Variants in DAP observed in about 807,000 individuals in gnomAD.
DAP encodes the protein death-associated protein 1.
DAP carries 8 observed loss-of-function variants against 13.8 expected under a neutral mutation model. That is an observed-to-expected ratio of 0.58 (90% CI 0.34 to 1.05). The LOEUF (loss-of-function observed/expected upper bound fraction) is 1.05. Ranked by LOEUF, DAP falls within the 50% of genes least tolerant of loss-of-function variation. The pLI is 0.03. For synonymous variants in DAP, 47 were observed against 47.5 expected (o/e 0.99, Z 0.04); for missense variants, 106 against 133.2 (o/e 0.80, Z 1.01).
At chr5:10,747,600 G>A (rs1739938396) in intron 2 of DAP, among the ~76,000 whole-genome samples, 1 of 152,250 alleles carries the variant, frequency 6.6e-6, no homozygotes, top group African/African-American at 2.4e-5. Flanking sequence ...GGGTCTCCAT[G>A]TGATTTCAGT....
chr5:10,708,335 T>C (rs368343552), intron 2 of DAP, among the ~76,000 whole-genome samples: 3 of 151,220 alleles, frequency 2.0e-5, no homozygotes, highest in East Asian at 1.9e-4. Flanking sequence ...CACACACATA[T>C]ACACACACAG....
chr5:10,716,950 ACT>A (rs1280853880), intron 2 of DAP, among the ~76,000 whole-genome samples: 1 of 152,036 alleles, frequency 6.6e-6, no homozygotes, highest in Non-Finnish European at 1.5e-5. Context: ...AATGCTAAGG[ACT>A]CTGCTTCTAA....
In DAP at chr5:10,679,969, T is replaced by C. The variant is rs942625554; in HGVS notation, c.*1087A>G. 6.6e-6 allele frequency: 1 copy of C among 152,416 alleles called. No individual in the cohort carries two copies. Among genetic ancestry groups the C allele is most frequent in the Non-Finnish European group, 1.5e-5 (1 of 68,094 alleles). 9.4% of individuals were successfully genotyped at this position (152,416 alleles called of 1,614,324 possible). A position where few individuals can be genotyped will look rare whatever the true frequency, so the allele number is the denominator to read the frequency against. ...TTTTCGAGGACGCAGGGTACCCTAC[T>C]GCCACCAGCCAGTGAGCAGACTAGG... On this transcript the variant is annotated 3_prime_UTR_variant, in exon 4 of 4. Transcript: ENST00000230895.
intron 1 of DAP, 63 bp downstream of exon 1, chr5:10,760,951 C>T (rs1219328143): frequency 9.3e-7 from 1 of 1,079,858 alleles, no homozygotes; most frequent in Non-Finnish European, 1.2e-6. Context: ...CCCCGCCCGG[C>T]GCCCCCGGGT....
intron 2 of DAP, among the ~76,000 whole-genome samples, chr5:10,729,622 G>A (rs1305149566): frequency 6.6e-6 from 1 of 152,040 alleles, no homozygotes; most frequent in South Asian, 2.1e-4. Flanking sequence ...TTCTTTCTTC[G>A]GTTGTCCCTA....
chr5:10,680,436 G>T lies in DAP; in HGVS notation c.*620C>A. On this transcript the variant is annotated 3_prime_UTR_variant, in exon 4 of 4. Transcript: ENST00000230895. ...CTACCTGTCTCCAGCCTCATTCTTT[G>T]GCATGTTGACTCCTGGAATTGAGGG... The T allele has an allele frequency of 2.3e-6, 1 of 426,000 alleles. No individual in the cohort carries two copies. Among genetic ancestry groups the T allele is most frequent in the South Asian group, 3.2e-5 (1 of 31,588 alleles). 26.4% of individuals were successfully genotyped at this position (426,000 alleles called of 1,614,324 possible).
At chr5:10,713,278 G>T (rs1738897151) in intron 2 of DAP, among the ~76,000 whole-genome samples, 1 of 152,216 alleles carries the variant, frequency 6.6e-6, no homozygotes, top group African/African-American at 2.4e-5. Context: ...GAGACAAGGT[G>T]ACCAGTAAGA....
At chr5:10,744,904 G>A (rs572209448) in intron 2 of DAP, among the ~76,000 whole-genome samples, 1 of 152,324 alleles carries the variant, frequency 6.6e-6, no homozygotes, top group South Asian at 2.1e-4. Context: ...TACCCACCGT[G>A]TGCCCTCGGA....
chr5:10,743,672 C>G (rs536177015), intron 2 of DAP, among the ~76,000 whole-genome samples: 1 of 152,188 alleles, frequency 6.6e-6, no homozygotes, highest in African/African-American at 2.4e-5. Flanking sequence ...TGCAGTCTCT[C>G]CTTTACATAA....
intron 1 of DAP, among the ~76,000 whole-genome samples, chr5:10,759,305 G>A (rs1386349197): frequency 1.3e-5 from 2 of 152,144 alleles, no homozygotes; most frequent in Non-Finnish European, 2.9e-5. Flanking sequence ...GGGAGTGGAG[G>A]GCCAGAGCAG....
chr5:10,748,106 A>G (rs1253119956), intron 2 of DAP, 69 bp downstream of exon 2: 1 of 1,093,880 alleles, frequency 9.1e-7, no homozygotes. Context: ...AGAACAGAGA[A>G]CAAATGTTAA....
rs368335191 is a variant in DAP at position 10,748,257 on chromosome 5, T to C, written c.70A>G (p.Met24Val). 3.0e-5 allele frequency: 49 copies of C among 1,613,696 alleles called. No individual in the cohort carries two copies. Among genetic ancestry groups the C allele is most frequent in the Non-Finnish European group, 3.9e-5 (46 of 1,179,708 alleles). ...TGTGGGTGTTTCTGCACAATTCGCA[T>C]TCCACCAGCTTTCACTGAAATGAAA... ...GHPPAVKAGG[M>V]RIVQKHPHTG... is the part of the protein sequence containing the mutation. The change falls in exon 2 of 4, where the codon ATG becomes GTG. Residue 24 changes from methionine (M) to valine (V), a missense_variant. Transcript: ENST00000230895.
intron 2 of DAP, among the ~76,000 whole-genome samples, chr5:10,688,855 G>C (rs1193612569): frequency 6.6e-6 from 1 of 152,212 alleles, no homozygotes; most frequent in African/African-American, 2.4e-5. Flanking sequence ...CCTCCATGTT[G>C]GGTGTTCCTG....
At chr5:10,731,556 C>T (rs1334739128) in intron 2 of DAP, among the ~76,000 whole-genome samples, 1 of 152,298 alleles carries the variant, frequency 6.6e-6, no homozygotes, top group Admixed American at 6.5e-5. Context: ...ACCTGCTCAT[C>T]CCCACTACTC....
At chr5:10,747,391 C>T (rs866957837) in intron 2 of DAP, among the ~76,000 whole-genome samples, 1 of 152,206 alleles carries the variant, frequency 6.6e-6, no homozygotes, top group African/African-American at 2.4e-5. Flanking sequence ...GACCCCTGTG[C>T]AGGCCCCAGG....
intron 3 of DAP, 60 bp downstream of exon 3, chr5:10,683,469 A>G: frequency 6.7e-7 from 1 of 1,501,536 alleles, no homozygotes; most frequent in Non-Finnish European, 9.3e-7. Flanking sequence ...AGAAGCAACC[A>G]GGAGACTCCA....
In DAP at chr5:10,691,687, G is replaced by A. The variant is rs183875874; in HGVS notation, c.153-8116C>T. On this transcript the variant is annotated intron_variant, in intron 2 of 3. Coordinates refer to ENST00000230895, the MANE Select transcript of DAP (RefSeq NM_004394.3). ...AGAGTGAAAACTATCAACCCTGCCC[G>A]CCCCATATCCTCAGGCCTTTCCAGA... Among the ~76,000 whole-genome samples, 8 of 152,154 alleles carry A rather than the reference G, an allele frequency of 5.3e-5. No homozygotes were observed. In the East Asian group the frequency reaches 7.7e-4, roughly 15 times the overall value.
chr5:10,699,319 G>A (rs1278684089), intron 2 of DAP, among the ~76,000 whole-genome samples: 1 of 152,232 alleles, frequency 6.6e-6, no homozygotes, highest in Non-Finnish European at 1.5e-5. Flanking sequence ...AGTTGCTGGA[G>A]GGACATAGGA....
At chr5:10,697,680 A>T (rs1339118056) in intron 2 of DAP, among the ~76,000 whole-genome samples, 1 of 152,166 alleles carries the variant, frequency 6.6e-6, no homozygotes, top group Non-Finnish European at 1.5e-5. Context: ...GAAAATGATC[A>T]TGTAGGTAGA....
Sources: gnomAD v4.1 joint callset for allele counts (sites outside exome capture counted in the v4.1 genomes callset) on GRCh38, gnomAD v4.1.1 for gene constraint, MANE v1.5 for transcripts, NCBI Gene and HGNC (gene_info 2026-07-23, HGNC 2026-07-21) for gene names.